The following RAB5IF variants were observed in gnomAD, a reference collection of about 807,000 sequenced individuals.
The protein encoded by RAB5IF is GEL complex subunit OPTI.
A neutral mutation model predicts 20.3 loss-of-function variants in RAB5IF; 15 were observed. That is an observed-to-expected ratio of 0.74 (90% CI 0.50 to 1.14). The LOEUF (loss-of-function observed/expected upper bound fraction) is 1.14, where lower values mean the gene tolerates loss of function less well. Ranked by LOEUF, RAB5IF falls within the 50% of genes most tolerant of loss-of-function variation. The pLI is 0.00. For missense variants in RAB5IF, 148 were observed against 159.5 expected, an observed-to-expected ratio of 0.93 and a Z score of 0.39; for synonymous variants, 67 against 63.7, an observed-to-expected ratio of 1.05 and a Z score of -0.25.
rs1568595522 is a variant in RAB5IF, at chr20:36,609,202, C to T, written c.219-399C>T. 5.5e-4 allele frequency among the ~76,000 whole-genome samples: 28 copies of T among 50,860 alleles called. 3 individuals carry two copies. The Middle Eastern group carries it at 0.025, about 45-fold the overall frequency. The allele number at this position is 50,860 out of a possible 152,430, so 33.4% of individuals were successfully genotyped here. ...ACACACACACACACACACGCACACA[C>T]GCACACACGCACACACGCACACACA... is the stretch of plus-strand genomic sequence containing the variant. On this transcript the variant is annotated intron_variant, in intron 2 of 3. Transcript: ENST00000344795.
rs752034715 is a variant in RAB5IF, at chr20:36,606,039, C to T, written c.88C>T (p.Arg30Trp). 13 of 1,516,948 alleles carry T rather than the reference C, an allele frequency of 8.6e-6. No individual in the cohort carries two copies. Among genetic ancestry groups the T allele is most frequent in the Middle Eastern group, 1.8e-4 (1 of 5,482 alleles). The allele number at this position is 1,516,948 out of a possible 1,614,324, so 94.0% of individuals were successfully genotyped here. A position where few individuals can be genotyped will look rare whatever the true frequency, so the allele number is the denominator to read the frequency against. ...AGTCTCCGTCTGGAGTAAGGTGCTG[C>T]GGAGCGACGCGGCCTGGGAGGATAA... ...LKVSVWSKVLRSDAAWEDKDE... is the reference protein window; with the variant it reads ...LKVSVWSKVLWSDAAWEDKDE... Residue 30 changes from arginine (R) to tryptophan (W), a missense_variant, in exon 1 of 4, where the codon CGG becomes TGG. By Grantham distance (101) the Arg-to-Trp change is moderately radical. Transcript: ENST00000344795.
chr20:36,609,203 G>GACA (rs2039030040), intron 2 of RAB5IF, among the ~76,000 whole-genome samples: 2 of 34,612 alleles, frequency 5.8e-5, no homozygotes, highest in Non-Finnish European at 1.1e-4. Context: ...ACGCACACAC[G>GACA]CACACACGCA....
At chr20:36,609,278 G>A in intron 2 of RAB5IF, among the ~76,000 whole-genome samples, 1 of 146,308 alleles carries the variant, frequency 6.8e-6, no homozygotes, top group Non-Finnish European at 1.5e-5. Flanking sequence ...TTTCGCTGTT[G>A]CCCAGGCTGT....
At chr20:36,609,255 A>ACACACC (rs1568595802) in intron 2 of RAB5IF, among the ~76,000 whole-genome samples, 1 of 116,434 alleles carries the variant, frequency 8.6e-6, no homozygotes, top group Non-Finnish European at 1.8e-5. Context: ...ACACACACAC[A>ACACACC]CTATATATAG....
chr20:36,608,023 C>T, intron 2 of RAB5IF: 1 of 1,409,082 alleles, frequency 7.1e-7, no homozygotes, highest in Non-Finnish European at 9.5e-7. Flanking sequence ...ACCTTCCTGC[C>T]TTCCTGAAGG....
At chr20:36,611,276 C>T (rs998505657) in intron 3 of RAB5IF, among the ~76,000 whole-genome samples, 2 of 152,108 alleles carry the variant, frequency 1.3e-5, no homozygotes, top group Non-Finnish European at 2.9e-5. Context: ...CAGGTGTGAG[C>T]CACTGCACCT....
Position 36,612,066 on chromosome 20 carries a change from C to A in RAB5IF, c.*15C>A. The A allele has an allele frequency of 6.2e-7, 1 of 1,614,192 alleles. No individual in the cohort carries two copies. The highest frequency in any genetic ancestry group is 1.6e-4 in the Middle Eastern group (1 of 6,062). On this transcript the variant is annotated 3_prime_UTR_variant, in exon 4 of 4. Transcript: ENST00000344795. ...ATTATGACTGATGGTGTACAGCTCC[C>A]AAGTGCTCCCTATCCAGTCCAAAGG...
At chr20:36,610,821 A>C (rs540514382) in intron 3 of RAB5IF, among the ~76,000 whole-genome samples, 1 of 152,344 alleles carries the variant, frequency 6.6e-6, no homozygotes, top group Non-Finnish European at 1.5e-5. Flanking sequence ...CCATATGCAA[A>C]ATCTCCACAG....
At chr20:36,609,156 T>TACACACACACACACACACACACACCCAC (rs2039012964) in intron 2 of RAB5IF, among the ~76,000 whole-genome samples, 1 of 17,052 alleles carries the variant, frequency 5.9e-5, no homozygotes. Context: ...AGAACTATAT[T>TACACACACACACACACACACACACCCAC]ACACACACAC....
Position 36,606,001 on chromosome 20 carries a change from A to G in RAB5IF, c.50A>G (p.Asn17Ser), listed in dbSNP as rs1191644214. Residue 17 changes from asparagine to serine, a missense_variant, in exon 1 of 4, where the codon AAC (asparagine) becomes AGC (serine). By Grantham distance (46) the Asn-to-Ser change is conservative. Coordinates refer to ENST00000344795, the MANE Select transcript of RAB5IF (RefSeq NM_018840.5). Reference protein sequence around the residue: ...KEEPPQPQLANGALKVSVWSK... With the variant: ...KEEPPQPQLASGALKVSVWSK... ...GAGCCGCCTCAGCCGCAGCTGGCCA[A>G]CGGGGCCCTCAAAGTCTCCGTCTGG... 5.9e-6 allele frequency: 9 copies of G among 1,528,878 alleles called. No homozygotes were observed. The highest frequency in any genetic ancestry group is 1.4e-5 in the African/African-American group (1 of 71,236). 94.7% of individuals were successfully genotyped at this position (1,528,878 alleles called of 1,614,324 possible). A position where few individuals can be genotyped will look rare whatever the true frequency, so the allele number is the denominator to read the frequency against.
chr20:36,606,150 C>G (rs2038929230), intron 1 of RAB5IF, 85 bp downstream of exon 1: 1 of 862,334 alleles, frequency 1.2e-6, no homozygotes, highest in Non-Finnish European at 1.7e-6. Flanking sequence ...CTGCCCTCGT[C>G]CTCGTTCCGG....
intron 1 of RAB5IF, among the ~76,000 whole-genome samples, chr20:36,606,860 G>C (rs572205080): frequency 3.9e-5 from 6 of 152,280 alleles, no homozygotes; most frequent in African/African-American, 1.4e-4. Context: ...GTCATTTCTT[G>C]GTTTTCTGGG....
At chr20:36,611,801 A>G (rs2039128824) in intron 3 of RAB5IF, among the ~76,000 whole-genome samples, 1 of 152,090 alleles carries the variant, frequency 6.6e-6, no homozygotes, top group Non-Finnish European at 1.5e-5. Context: ...GCTTATCAGG[A>G]GTTCCTTTGC....
intron 1 of RAB5IF, 71 bp from the exon 2 acceptor site, chr20:36,607,644 A>T: frequency 6.3e-7 from 1 of 1,576,256 alleles, no homozygotes; most frequent in Non-Finnish European, 8.7e-7. Context: ...AGAAAGGTTT[A>T]ATATTCTCCC....
chr20:36,609,181 A>C (rs2039019983), intron 2 of RAB5IF, among the ~76,000 whole-genome samples: 1 of 39,010 alleles, frequency 2.6e-5, no homozygotes, highest in Non-Finnish European at 4.9e-5. Flanking sequence ...ACACACACAC[A>C]CACACACACA....
At position 36,605,822 on chromosome 20, in the gene RAB5IF, C is replaced by T; in HGVS notation, c.-130C>T. Reference sequence around the variant, plus strand: ...GGTAGCTTGGCCAGGTTGTGAGGAACCGCAGCGCGCCGCAGGACCGGGCCG... The same window carrying T: ...GGTAGCTTGGCCAGGTTGTGAGGAATCGCAGCGCGCCGCAGGACCGGGCCG... On this transcript the variant is annotated 5_prime_UTR_variant, in exon 1 of 4. Coordinates refer to ENST00000344795, the MANE Select transcript of RAB5IF (RefSeq NM_018840.5). 1 of 456,314 alleles carries T rather than the reference C, an allele frequency of 2.2e-6. No individual in the cohort carries two copies. The highest frequency in any genetic ancestry group is 3.7e-5 in the East Asian group (1 of 26,806). 28.3% of individuals were successfully genotyped at this position (456,314 alleles called of 1,614,324 possible).
intron 1 of RAB5IF, 77 bp downstream of exon 1, chr20:36,606,142 G>A (rs1600797769): frequency 1.1e-6 from 1 of 913,916 alleles, no homozygotes; most frequent in Non-Finnish European, 1.6e-6. Flanking sequence ...GCGCGGGCCT[G>A]CCCTCGTCCT....
intron 2 of RAB5IF, among the ~76,000 whole-genome samples, chr20:36,608,690 A>T (rs1476390729): frequency 2.0e-5 from 3 of 151,102 alleles, no homozygotes; most frequent in South Asian, 4.2e-4. Context: ...CAGACTCCCA[A>T]GTAGCTGGGA....
chr20:36,612,183 T>G lies in RAB5IF; in HGVS notation c.*132T>G. ...CCGTGTTTCCTGGACCGCGAATCAG[T>G]GTGTTGGGCATCAGTGTTTTCTGCA... On this transcript the variant is annotated 3_prime_UTR_variant, in exon 4 of 4. Transcript: ENST00000344795. 6.2e-7 allele frequency: 1 copy of G among 1,614,188 alleles called. No individual in the cohort carries two copies. The highest frequency in any genetic ancestry group is 2.2e-5 in the East Asian group (1 of 44,884).
Sources: allele counts gnomAD v4.1 joint callset (sites outside exome capture counted in the v4.1 genomes callset), GRCh38; gene constraint gnomAD v4.1.1; transcripts MANE v1.5; gene names NCBI Gene and HGNC (gene_info 2026-07-23, HGNC 2026-07-21).